ZNF184: variants seen among roughly 807,000 people sequenced by gnomAD.
The protein encoded by ZNF184 is zinc finger protein 184.
ZNF184 carries 16 observed loss-of-function variants against 54.4 expected under a neutral mutation model. The observed-to-expected ratio is 0.29, with a 90% CI of 0.20 to 0.45. The LOEUF (loss-of-function observed/expected upper bound fraction) is 0.45, where lower values mean the gene tolerates loss of function less well. Among genes scored for constraint, ZNF184 ranks in the 20% least tolerant of loss-of-function variants. The pLI, the probability that ZNF184 is intolerant of heterozygous loss-of-function variation, is 1.00. For missense variants in ZNF184, 681 were observed against 888.2 expected, an observed-to-expected ratio of 0.77 and a Z score of 2.97; for synonymous variants, 254 against 295.3, an observed-to-expected ratio of 0.86 and a Z score of 1.43.
chr6:27,461,302 T>C (rs1323679042), intron 3 of ZNF184, among the ~76,000 whole-genome samples: 1 of 152,228 alleles, frequency 6.6e-6, no homozygotes, highest in African/African-American at 2.4e-5. Flanking sequence ...CTGATTTCTC[T>C]GGACTCTGAT....
At chr6:27,411,576 A>G in the ZNF184 span, among the ~76,000 whole-genome samples, 1 of 152,248 alleles carries the variant, frequency 6.6e-6, no homozygotes, top group Non-Finnish European at 1.5e-5. Context: ...TATATCTTTA[A>G]TACAAAGTCA....
chr6:27,446,299 A>G (rs1290247809), downstream of ZNF184, among the ~76,000 whole-genome samples: 1 of 152,220 alleles, frequency 6.6e-6, no homozygotes, highest in Admixed American at 6.5e-5. Flanking sequence ...CCATGGACTC[A>G]GCTCAGAGCT....
the ZNF184 span, among the ~76,000 whole-genome samples, chr6:27,423,667 T>A: frequency 6.6e-6 from 1 of 151,630 alleles, no homozygotes; most frequent in African/African-American, 2.4e-5. Context: ...ACCGCTCAGA[T>A]CATCCCTGGG....
At chr6:27,422,140 C>CAAA in the ZNF184 span, among the ~76,000 whole-genome samples, 2,881 of 29,156 alleles carry the variant, frequency 0.099, 365 homozygotes, top group African/African-American at 0.18. Flanking sequence ...GGCCGTACCT[C>CAAA]AAAAAAAAAA....
chr6:27,422,197 AAAGAAAGAAAGAAAG>A, the ZNF184 span, among the ~76,000 whole-genome samples: 3 of 147,194 alleles, frequency 2.0e-5, no homozygotes, highest in African/African-American at 7.5e-5. Context: ...AGAAAGAAAG[AAAGAAAGAAAGAAAG>A]AAAGAAAAGA....
chr6:27,456,074 AT>A (rs1253799877), intron 5 of ZNF184, among the ~76,000 whole-genome samples: 1 of 152,158 alleles, frequency 6.6e-6, no homozygotes, highest in Non-Finnish European at 1.5e-5. Context: ...CCTGGGCAAC[AT>A]GGCGAAACCG....
chr6:27,442,823 A>AAAG, the ZNF184 span, among the ~76,000 whole-genome samples: 1 of 32,366 alleles, frequency 3.1e-5, no homozygotes, highest in Non-Finnish European at 5.8e-5. Context: ...AGAAAGAAAG[A>AAAG]AAGAAAGAAA....
In ZNF184 at chr6:27,453,457, A is replaced by G. The variant is rs1169065202; in HGVS notation, c.299-197T>C. Reference sequence around the variant, plus strand: ...AATAAAATACGAAAGTGGCAAAAGAATGTCTAATTCAATTTCATAGATAAT... The same window carrying G: ...AATAAAATACGAAAGTGGCAAAAGAGTGTCTAATTCAATTTCATAGATAAT... On this transcript the variant is annotated intron_variant, in intron 5 of 5. Coordinates refer to ENST00000683788, the MANE Select transcript of ZNF184 (RefSeq NM_001318891.2). The surrounding 1 kb of genome is among the most constrained non-coding windows in gnomAD (Gnocchi z 4.7). Among the ~76,000 whole-genome samples the G allele has an allele frequency of 6.6e-6, 1 of 152,236 alleles. No individual in the cohort carries two copies. The highest frequency in any genetic ancestry group is 1.5e-5 in the Non-Finnish European group (1 of 68,042).
At chr6:27,466,673 C>A (rs1390478366) in intron 3 of ZNF184, among the ~76,000 whole-genome samples, 1 of 85,118 alleles carries the variant, frequency 1.2e-5, no homozygotes, top group Non-Finnish European at 3.0e-5. Flanking sequence ...GTATACCCCC[C>A]AATTAAAAAA....
rs542738892 is a variant in ZNF184 at position 27,453,355 on chromosome 6, C to T, written c.299-95G>A. On this transcript the variant is annotated intron_variant, in intron 5 of 5. Transcript: ENST00000683788. The surrounding 1 kb of genome is among the most constrained non-coding windows in gnomAD (Gnocchi z 4.7). The stretch of plus-strand genomic sequence containing the variant: ...TAATGATACTGAAAAATAAATCTCT[C>T]AGAAAATTCTAATGGTTTTCAAATA... 332 of 1,259,058 alleles carry T rather than the reference C, an allele frequency of 2.6e-4. 2 individuals are homozygous for T. In the African/African-American group the frequency reaches 4.6e-3, roughly 17 times the overall value. 78.0% of individuals were successfully genotyped at this position (1,259,058 alleles called of 1,614,324 possible). A position where few individuals can be genotyped will look rare whatever the true frequency, so the allele number is the denominator to read the frequency against.
chr6:27,432,864 A>C, the ZNF184 span, among the ~76,000 whole-genome samples: 1 of 152,198 alleles, frequency 6.6e-6, no homozygotes, highest in Non-Finnish European at 1.5e-5. The surrounding 1 kb of genome is among the most constrained non-coding windows in gnomAD (Gnocchi z 4.0). Context: ...GGTTATAACA[A>C]GTGAGATGTC....
downstream of ZNF184, among the ~76,000 whole-genome samples, chr6:27,449,744 C>T (rs1445225032): frequency 6.6e-6 from 1 of 151,934 alleles, no homozygotes; most frequent in African/African-American, 2.4e-5. Flanking sequence ...GAGCAAGACC[C>T]TGTCTCTTAA....
chr6:27,424,306 A>T, the ZNF184 span, among the ~76,000 whole-genome samples: 12 of 152,356 alleles, frequency 7.9e-5, no homozygotes, highest in African/African-American at 2.9e-4. Context: ...AAGAGTAAGC[A>T]GCAGCAAGAT....
At chr6:27,468,031 C>A in intron 2 of ZNF184, 111 bp from the exon 3 acceptor site, 1 of 937,002 alleles carries the variant, frequency 1.1e-6, no homozygotes. Flanking sequence ...ATGCCATTTC[C>A]TTTATATTTT....
At chr6:27,440,191 C>G in the ZNF184 span, among the ~76,000 whole-genome samples, 1 of 152,116 alleles carries the variant, frequency 6.6e-6, no homozygotes, top group African/African-American at 2.4e-5. Context: ...ATTGTTCATT[C>G]ATTGATTTTT....
At chr6:27,413,745 A>G in the ZNF184 span, among the ~76,000 whole-genome samples, 1 of 152,226 alleles carries the variant, frequency 6.6e-6, no homozygotes, top group African/African-American at 2.4e-5. Context: ...TTCATTTTGT[A>G]AATAAAACAT....
At chr6:27,432,256 G>A in the ZNF184 span, among the ~76,000 whole-genome samples, 1 of 152,170 alleles carries the variant, frequency 6.6e-6, no homozygotes, top group Non-Finnish European at 1.5e-5. The surrounding 1 kb of genome is among the most constrained non-coding windows in gnomAD (Gnocchi z 4.0). Context: ...CTGCATGATG[G>A]GCCAATAACT....
chr6:27,469,988 A>AAGTCATTTC (rs11283667), intron 2 of ZNF184, among the ~76,000 whole-genome samples: 1 of 151,388 alleles, frequency 6.6e-6, no homozygotes, highest in African/African-American at 2.4e-5. Flanking sequence ...GACAGAACCC[A>AAGTCATTTC]AGGGAATCTA....
the ZNF184 span, among the ~76,000 whole-genome samples, chr6:27,420,830 A>T: frequency 6.6e-6 from 1 of 152,254 alleles, no homozygotes; most frequent in Admixed American, 6.5e-5. Context: ...AATTACAAAA[A>T]CATGGAAGTA....
Sources: allele counts gnomAD v4.1 joint callset (sites outside exome capture counted in the v4.1 genomes callset), GRCh38; gene constraint gnomAD v4.1.1; non-coding constraint Gnocchi (gnomAD v3.1); transcripts MANE v1.5; gene names NCBI Gene and HGNC (gene_info 2026-07-23, HGNC 2026-07-21).